CALN1: variants seen among roughly 807,000 people sequenced by gnomAD.
CALN1 encodes calneuron 1, also known as calcium-binding protein 8.
In CALN1, 17 loss-of-function variants were observed where a neutral mutation model predicts 30.6. The ratio of observed to expected loss-of-function variants is 0.56; its 90% confidence interval spans 0.38 to 0.83. The LOEUF is 0.83. Among genes scored for constraint, CALN1 ranks in the 40% least tolerant of loss-of-function variants. CALN1 has a pLI of 0.00. For synonymous variants in CALN1, 156 were observed against 131.4 expected (o/e 1.19, Z -1.28); for missense variants, 291 against 354.9 (o/e 0.82, Z 1.45).
chr7:71,826,109 A>C (rs1486697739), intron 5 of CALN1, among the ~76,000 whole-genome samples: 1 of 151,756 alleles, frequency 6.6e-6, no homozygotes, highest in Admixed American at 6.6e-5. Context: ...ACTATGGATA[A>C]ATCCATTTGG....
At chr7:72,454,933 G>T in the CALN1 span, among the ~76,000 whole-genome samples, 1 of 151,910 alleles carries the variant, frequency 6.6e-6, no homozygotes, top group African/African-American at 2.4e-5. Flanking sequence ...CCGGGTTCAA[G>T]TGATTCTCCT....
At chr7:72,499,759 G>A in the CALN1 span, among the ~76,000 whole-genome samples, 6 of 148,156 alleles carry the variant, frequency 4.0e-5, no homozygotes, top group Non-Finnish European at 7.4e-5. Context: ...GCATACTTCC[G>A]CAAAACTTTC....
At chr7:72,210,495 G>A (rs1297121991) in intron 3 of CALN1, among the ~76,000 whole-genome samples, 2 of 152,024 alleles carry the variant, frequency 1.3e-5, no homozygotes, top group African/African-American at 4.8e-5. Flanking sequence ...ATAAAGGAAA[G>A]AGGTTTCATT....
intron 3 of CALN1, among the ~76,000 whole-genome samples, chr7:72,242,691 C>A (rs562922232): frequency 2.3e-4 from 35 of 152,172 alleles, no homozygotes; most frequent in Non-Finnish European, 4.4e-4. Flanking sequence ...AGTTTGAGAC[C>A]AGCCTGTCCA....
chr7:72,411,479 A>G (rs1365882121), intron 1 of CALN1, among the ~76,000 whole-genome samples: 4 of 152,324 alleles, frequency 2.6e-5, no homozygotes, highest in South Asian at 2.1e-4. Flanking sequence ...GAATAAAAAT[A>G]TCACTGTGAA....
At chr7:72,381,863 T>A (rs1206506433) in intron 2 of CALN1, among the ~76,000 whole-genome samples, 2 of 152,080 alleles carry the variant, frequency 1.3e-5, no homozygotes, top group African/African-American at 4.8e-5. Flanking sequence ...TAAAGTAAAA[T>A]TTTAGAAAAA....
intron 5 of CALN1, among the ~76,000 whole-genome samples, chr7:71,912,030 T>G (rs1207219780): frequency 6.6e-6 from 1 of 151,832 alleles, no homozygotes; most frequent in Admixed American, 6.6e-5. Context: ...GTGGATAATT[T>G]TTTCCTCTCT....
At chr7:72,100,471 C>T (rs1024184057) in intron 4 of CALN1, among the ~76,000 whole-genome samples, 10 of 152,000 alleles carry the variant, frequency 6.6e-5, no homozygotes, top group Non-Finnish European at 4.4e-5. Flanking sequence ...ATGTGGGCCA[C>T]GGTACCCAGC....
rs183622045 is a variant in CALN1 at position 72,399,125 on chromosome 7, G to A, written c.119+4126C>T. ...CATTGAGAAGCATGCTGACACCTTA[G>A]CAAAGACAGGAGCGGACAATCTAGG... On this transcript the variant is annotated intron_variant, in intron 2 of 6. Transcript: ENST00000395275. 9.2e-5 allele frequency among the ~76,000 whole-genome samples: 14 copies of A among 152,288 alleles called. No homozygotes were observed. The East Asian group carries it at 2.7e-3, about 29-fold the overall frequency.
At chr7:72,065,653 G>A (rs1392327513) in intron 4 of CALN1, among the ~76,000 whole-genome samples, 2 of 152,086 alleles carry the variant, frequency 1.3e-5, no homozygotes, top group Non-Finnish European at 2.9e-5. Flanking sequence ...AAGCAGGACC[G>A]AACCCCACGC....
intron 3 of CALN1, among the ~76,000 whole-genome samples, chr7:72,201,850 T>C (rs1791456234): frequency 6.6e-6 from 1 of 150,630 alleles, no homozygotes; most frequent in South Asian, 2.1e-4. Context: ...GAAGTGGAAC[T>C]CACCATACAT....
rs1792290094 is a variant in CALN1, at chr7:71,877,083, T to C, written c.502-66591A>G. Among the ~76,000 whole-genome samples the C allele has an allele frequency of 2.6e-5, 4 of 152,150 alleles. No individual in the cohort carries two copies. In the South Asian group the frequency reaches 8.3e-4, roughly 32 times the overall value. ...GATAGGAATTTGTGTTTCTTCTTGC[T>C]ACAGCATAAGAGCAACACATTAAAG... On this transcript the variant is annotated intron_variant, in intron 5 of 6. Transcript: ENST00000395275.
intron 3 of CALN1, among the ~76,000 whole-genome samples, chr7:72,195,609 G>A (rs1465814680): frequency 1.3e-5 from 2 of 151,982 alleles, no homozygotes; most frequent in Admixed American, 1.3e-4. Context: ...TAACTCCTGG[G>A]CCTCAGGCGA....
At chr7:72,117,919 C>G (rs1199098688) in intron 3 of CALN1, among the ~76,000 whole-genome samples, 2 of 148,512 alleles carry the variant, frequency 1.3e-5, no homozygotes, top group Non-Finnish European at 1.5e-5. Context: ...GATTGCGCCA[C>G]TGTACTCCAG....
chr7:72,247,001 G>A (rs6963413), intron 3 of CALN1, among the ~76,000 whole-genome samples: 4 of 151,814 alleles, frequency 2.6e-5, no homozygotes, highest in African/African-American at 4.8e-5. Context: ...TGATCTGCCC[G>A]CCTCGGCCTC....
intron 5 of CALN1, among the ~76,000 whole-genome samples, chr7:71,922,618 A>G (rs188349649): frequency 0.012 from 1,582 of 130,098 alleles, 59 homozygotes; most frequent in African/African-American, 0.045. Context: ...CACACAGAAT[A>G]TATTATATAT....
At chr7:71,971,522 CTAAG>C (rs1797798725) in intron 5 of CALN1, among the ~76,000 whole-genome samples, 1 of 152,030 alleles carries the variant, frequency 6.6e-6, no homozygotes, top group Non-Finnish European at 1.5e-5. Context: ...AAGTATGAAA[CTAAG>C]TATTCTATAT....
chr7:72,282,965 AG>A (rs1272888709), intron 2 of CALN1, among the ~76,000 whole-genome samples: 1 of 151,716 alleles, frequency 6.6e-6, no homozygotes, highest in Non-Finnish European at 1.5e-5. Flanking sequence ...CTGAGGCACA[AG>A]GATCACTTGA....
chr7:72,129,998 G>C lies in CALN1; in HGVS notation c.245-23704C>G, dbSNP rs114319242. Among the ~76,000 whole-genome samples, 753 of 152,220 alleles carry C rather than the reference G, an allele frequency of 4.9e-3. 5 individuals carry two copies. Among genetic ancestry groups the C allele is most frequent in the African/African-American group, 0.016 (666 of 41,536 alleles). On this transcript the variant is annotated intron_variant, in intron 3 of 6. Coordinates refer to ENST00000395275, the MANE Select transcript of CALN1 (RefSeq NM_031468.4). ...GATTAATGCCCTCCCTCAGGGGTGA[G>C]TGAGTTCTTGCTTTATTAGTTCTCT...
Sources: gnomAD v4.1 joint callset for allele counts (sites outside exome capture counted in the v4.1 genomes callset) on GRCh38, gnomAD v4.1.1 for gene constraint, MANE v1.5 for transcripts, NCBI Gene and HGNC (gene_info 2026-07-23, HGNC 2026-07-21) for gene names.